The following NTRK3 variants were observed in gnomAD, a reference collection of about 807,000 sequenced individuals.
The protein encoded by NTRK3 is neurotrophic receptor tyrosine kinase 3, also known as NT-3 growth factor receptor.
NTRK3 carries 24 observed loss-of-function variants against 91.7 expected under a neutral mutation model. That is an observed-to-expected ratio of 0.26 (90% CI 0.19 to 0.37). The LOEUF (loss-of-function observed/expected upper bound fraction) is 0.37, where lower values mean the gene tolerates loss of function less well. Among genes scored for constraint, NTRK3 ranks in the 10% least tolerant of loss-of-function variants. NTRK3 has a pLI of 1.00. For synonymous variants in NTRK3, 483 were observed against 404.0 expected (o/e 1.20, Z -2.34); for missense variants, 880 against 1,068.9 (o/e 0.82, Z 2.46).
intron 14 of NTRK3, among the ~76,000 whole-genome samples, chr15:87,989,227 A>T (rs764760561): frequency 1.3e-5 from 2 of 152,210 alleles, no homozygotes; most frequent in Non-Finnish European, 2.9e-5. Context: ...GTTACTATTC[A>T]CAATAGTGAA....
intron 16 of NTRK3, among the ~76,000 whole-genome samples, chr15:87,929,998 A>C (rs1372825756): frequency 6.6e-6 from 1 of 152,150 alleles, no homozygotes; most frequent in East Asian, 1.9e-4. Context: ...TGCTTGTTCC[A>C]AGATTCCCTG....
rs564962226 is a variant in NTRK3 at position 88,213,482 on chromosome 15, T to A, written c.249-29183A>T. Among the ~76,000 whole-genome samples the A allele has an allele frequency of 3.3e-5, 5 of 152,092 alleles. No individual in the cohort carries two copies. In the East Asian group the frequency reaches 9.7e-4, roughly 29 times the overall value. On this transcript the variant is annotated intron_variant, in intron 3 of 18. Coordinates refer to ENST00000394480, the Ensembl canonical transcript of NTRK3. ...GCCCACAGCCCCTCTCTAGGAACAG[T>A]GGAGACTAAGGCCCAGACAGACAGA...
chr15:87,900,841 A>C (rs1468087463), intron 17 of NTRK3, among the ~76,000 whole-genome samples: 2 of 152,122 alleles, frequency 1.3e-5, no homozygotes, highest in Non-Finnish European at 2.9e-5. Flanking sequence ...TCTCATCTGC[A>C]TAATTGGTAG....
intron 14 of NTRK3, among the ~76,000 whole-genome samples, chr15:87,950,794 C>T (rs778447666): frequency 2.6e-5 from 4 of 152,196 alleles, no homozygotes; most frequent in Non-Finnish European, 5.9e-5. Context: ...CTCTCACCTG[C>T]TCTCTGCTCA....
intron 13 of NTRK3, among the ~76,000 whole-genome samples, chr15:88,079,298 A>G (rs902446229): frequency 9.9e-5 from 15 of 152,234 alleles, no homozygotes; most frequent in African/African-American, 2.7e-4. Context: ...AGCAGCTAGC[A>G]CAGAGCAGGT....
chr15:87,938,928 C>A (rs1338763345), intron 15 of NTRK3, among the ~76,000 whole-genome samples: 1 of 152,118 alleles, frequency 6.6e-6, no homozygotes, highest in Non-Finnish European at 1.5e-5. Flanking sequence ...TAATCATTAG[C>A]CTTTTAGGAT....
intron 5 of NTRK3, among the ~76,000 whole-genome samples, chr15:88,161,042 C>T (rs2044404906): frequency 2.0e-5 from 3 of 152,198 alleles, no homozygotes; most frequent in Non-Finnish European, 2.9e-5. Context: ...ATGCCCAACA[C>T]AGTGCTTAGC....
At chr15:88,143,553 C>A (rs2042595562) in intron 6 of NTRK3, among the ~76,000 whole-genome samples, 2 of 152,354 alleles carry the variant, frequency 1.3e-5, no homozygotes, top group South Asian at 4.1e-4. Flanking sequence ...CTCTAAGGTT[C>A]TCTTTTAACA....
chr15:87,982,792 A>T (rs1280469307), intron 14 of NTRK3, among the ~76,000 whole-genome samples: 1 of 152,204 alleles, frequency 6.6e-6, no homozygotes, highest in Non-Finnish European at 1.5e-5. Context: ...TGCCACATAA[A>T]AAGACATTCA....
At chr15:88,051,631 T>C (rs2080831018) in intron 13 of NTRK3, among the ~76,000 whole-genome samples, 1 of 152,228 alleles carries the variant, frequency 6.6e-6, no homozygotes, top group South Asian at 2.1e-4. Context: ...AGTAACTCCC[T>C]CATCAGACTA....
At chr15:88,011,752 T>A (rs940903218) in intron 14 of NTRK3, among the ~76,000 whole-genome samples, 6 of 152,180 alleles carry the variant, frequency 3.9e-5, no homozygotes, top group Non-Finnish European at 8.8e-5. Context: ...AGTTGATTTA[T>A]CAGTAATGTC....
intron 14 of NTRK3, among the ~76,000 whole-genome samples, chr15:88,009,530 T>G (rs1460617842): frequency 6.6e-6 from 1 of 152,220 alleles, no homozygotes; most frequent in African/African-American, 2.4e-5. Flanking sequence ...ATGCAGAGAT[T>G]TTTTTGTGTG....
At chr15:88,032,538 A>T (rs117222771) in intron 14 of NTRK3, among the ~76,000 whole-genome samples, 2,558 of 152,150 alleles carry the variant, frequency 0.017, 26 homozygotes, top group Non-Finnish European at 0.027. Flanking sequence ...CTAGTTACAT[A>T]GGCCAGGTCT....
At chr15:88,048,515 T>C (rs972221759) in intron 13 of NTRK3, among the ~76,000 whole-genome samples, 11 of 152,132 alleles carry the variant, frequency 7.2e-5, no homozygotes, top group Admixed American at 2.0e-4. Flanking sequence ...ATGCAGGTTT[T>C]TCCTGGTGTC....
chr15:88,203,725 T>C (rs959488739), intron 3 of NTRK3, among the ~76,000 whole-genome samples: 2 of 152,118 alleles, frequency 1.3e-5, no homozygotes, highest in Non-Finnish European at 2.9e-5. Context: ...AAAAGATAAA[T>C]ATTTAAGGTG....
chr15:88,145,298 C>T (rs2151296392), intron 6 of NTRK3, among the ~76,000 whole-genome samples: 1 of 152,306 alleles, frequency 6.6e-6, no homozygotes, highest in South Asian at 2.1e-4. Context: ...AGATTCAATT[C>T]TTCTTCAAAA....
intron 12 of NTRK3, among the ~76,000 whole-genome samples, chr15:88,126,602 G>A (rs775072985): frequency 1.3e-5 from 2 of 152,184 alleles, no homozygotes; most frequent in African/African-American, 4.8e-5. Flanking sequence ...ACGATTCAAT[G>A]TTCTGAGCCC....
chr15:88,124,585 C>T (rs1266552185), intron 13 of NTRK3, among the ~76,000 whole-genome samples: 2 of 152,142 alleles, frequency 1.3e-5, no homozygotes, highest in Non-Finnish European at 2.9e-5. Context: ...ATAAAAGCTC[C>T]CTGCATGGTA....
At chr15:88,175,871 A>G (rs1442597605) in intron 5 of NTRK3, among the ~76,000 whole-genome samples, 1 of 152,202 alleles carries the variant, frequency 6.6e-6, no homozygotes, top group Non-Finnish European at 1.5e-5. Context: ...GTGGTTCAAG[A>G]GCACATATTC....
Sources: gnomAD v4.1 joint callset for allele counts (sites outside exome capture counted in the v4.1 genomes callset) on GRCh38, gnomAD v4.1.1 for gene constraint, MANE v1.5 for transcripts, NCBI Gene and HGNC (gene_info 2026-07-23, HGNC 2026-07-21) for gene names.